The following MACF1 variants were observed in gnomAD, a reference collection of about 807,000 sequenced individuals.
MACF1 encodes the protein microtubule actin crosslinking factor 1.
A neutral mutation model predicts 854.8 loss-of-function variants in MACF1; 193 were observed. The observed-to-expected ratio is 0.23, with a 90% confidence interval of 0.20 to 0.25. MACF1 has a LOEUF of 0.25. MACF1 is among the 10% of genes least tolerant of loss of function. The probability of loss-of-function intolerance (pLI) is 1.00; values close to 1 mark genes in which losing one functional copy is unlikely to be tolerated. For missense variants in MACF1, 7,722 were observed against 8,929.1 expected (o/e 0.86, Z 5.45); for synonymous variants, 3,185 against 3,226.7 (o/e 0.99, Z 0.44).
chr1:39,379,526 T>A, intron 54 of MACF1, 82 bp downstream of exon 54: 2 of 1,482,714 alleles, frequency 1.3e-6, no homozygotes, highest in Non-Finnish European at 1.8e-6. Context: ...CCCAGGTATC[T>A]GAGAGAGAGA....
At chr1:39,423,651 AATGTTTATAAT>A (rs1239042435) in intron 60 of MACF1, among the ~76,000 whole-genome samples, 2 of 151,842 alleles carry the variant, frequency 1.3e-5, no homozygotes, top group African/African-American at 4.8e-5. Flanking sequence ...AAAAAAAAAA[AATGTTTATAAT>A]ATACAATGTG....
In MACF1 at chr1:39,331,426, G is replaced by T; in HGVS notation, c.4838G>T (p.Arg1613Leu). 6.2e-7 allele frequency: 1 copy of T among 1,614,014 alleles called. No individual in the cohort carries two copies. The highest frequency in any genetic ancestry group is 1.1e-5 in the South Asian group (1 of 91,058). ...AATCCCCAGATGTACCAGCAGCTCCGGGAGCTACAGGATGCCCTGGCCTTA... is the reference window on the plus strand; with the variant it reads ...AATCCCCAGATGTACCAGCAGCTCCTGGAGCTACAGGATGCCCTGGCCTTA... ...LINPQMYQQL[R>L]ELQDALALIS... Residue 1613 changes from arginine (R) to leucine (L), a missense_variant, in exon 37 of 101, where the codon CGG becomes CTG. Physicochemically the swap from Arg to Leu is moderately radical, Grantham distance 102 (BLOSUM62 -2). Transcript: ENST00000564288.
intron 42 of MACF1, among the ~76,000 whole-genome samples, 184 bp downstream of exon 42, chr1:39,349,811 G>A (rs1385075677): frequency 1.3e-5 from 2 of 152,094 alleles, no homozygotes; most frequent in African/African-American, 4.8e-5. Context: ...TAATTTTTTT[G>A]TAGAGATGGG....
At chr1:39,181,665 G>A (rs1046334825) in intron 2 of MACF1, among the ~76,000 whole-genome samples, 4 of 152,094 alleles carry the variant, frequency 2.6e-5, no homozygotes, top group African/African-American at 9.7e-5. Context: ...TTACTACAAA[G>A]CTACAGTAAT....
At chr1:39,276,588 C>T (rs528845281) in intron 6 of MACF1, among the ~76,000 whole-genome samples, 43 of 152,290 alleles carry the variant, frequency 2.8e-4, no homozygotes, top group Non-Finnish European at 4.6e-4. Context: ...TCTTCCTTGG[C>T]TTTCACCTGT....
Position 39,282,193 on chromosome 1 carries a change from C to T in MACF1, c.529-15C>T, listed in dbSNP as rs775924792. ...TTATTTATAATGAATTATTCTGTGT[C>T]CCATCTTTTGGCAGATCTCTGACAT... is the stretch of plus-strand genomic sequence containing the variant. On this transcript the variant is annotated splice_polypyrimidine_tract_variant and intron_variant, in intron 6 of 100. Coordinates refer to ENST00000564288, the MANE Select transcript of MACF1 (RefSeq NM_001394062.1). 7.4e-6 allele frequency: 12 copies of T among 1,612,174 alleles called. No individual in the cohort carries two copies. Among genetic ancestry groups the T allele is most frequent in the Non-Finnish European group, 9.3e-6 (11 of 1,178,852 alleles).
chr1:39,378,400 G>A, intron 52 of MACF1, 61 bp from the exon 53 acceptor site: 1 of 1,210,592 alleles, frequency 8.3e-7, no homozygotes, highest in Non-Finnish European at 1.2e-6. Flanking sequence ...CAAATTCAGT[G>A]CCTATATGTA....
chr1:39,286,022 A>T (rs1645634464), intron 14 of MACF1, among the ~76,000 whole-genome samples: 1 of 152,068 alleles, frequency 6.6e-6, no homozygotes, highest in African/African-American at 2.4e-5. Flanking sequence ...ACTTTATTTT[A>T]ATTAATCAAA....
chr1:39,234,598 A>AC (rs1258977101), intron 2 of MACF1, among the ~76,000 whole-genome samples: 4 of 65,806 alleles, frequency 6.1e-5, no homozygotes, highest in African/African-American at 2.4e-4. Flanking sequence ...CGGGGGGCTG[A>AC]CCGCCCCACC....
intron 97 of MACF1, among the ~76,000 whole-genome samples, chr1:39,473,756 A>C (rs918147212): frequency 3.9e-5 from 6 of 152,212 alleles, no homozygotes; most frequent in Non-Finnish European, 8.8e-5. Context: ...TGTTTCACAC[A>C]TACTTACTGA....
At chr1:39,375,959 G>T (rs113841202) in intron 52 of MACF1, among the ~76,000 whole-genome samples, 3 of 152,224 alleles carry the variant, frequency 2.0e-5, no homozygotes, top group Non-Finnish European at 1.5e-5. Context: ...TATATTTTTG[G>T]TCGTGTTATT....
chr1:39,327,559 C>A lies in MACF1; in HGVS notation c.4614+206C>A, dbSNP rs56221645. Among the ~76,000 whole-genome samples, 10,120 of 152,236 alleles carry A rather than the reference C, an allele frequency of 0.066. 869 individuals are homozygous for A. Among genetic ancestry groups the A allele is most frequent in the African/African-American group, 0.2 (8,436 of 41,494 alleles). Reference sequence around the variant, plus strand: ...AGTCAAAAGCACTAGAAGACACTTACAACTAACCCTTTAGACCTGGTTCAC... The same window carrying A: ...AGTCAAAAGCACTAGAAGACACTTAAAACTAACCCTTTAGACCTGGTTCAC... On this transcript the variant is annotated intron_variant, in intron 36 of 100. Transcript: ENST00000564288.
At chr1:39,455,413 A>T (rs551931698) in intron 89 of MACF1, among the ~76,000 whole-genome samples, 3 of 152,262 alleles carry the variant, frequency 2.0e-5, no homozygotes, top group Admixed American at 6.5e-5. Context: ...TGGTGGATGT[A>T]AGACTGAGGT....
At chr1:39,145,667 T>G (rs1406903096) in intron 2 of MACF1, among the ~76,000 whole-genome samples, 1 of 152,194 alleles carries the variant, frequency 6.6e-6, no homozygotes, top group Non-Finnish European at 1.5e-5. Flanking sequence ...AGCAGCCTCT[T>G]TTTGTTCTCA....
chr1:39,395,875 A>G (rs1388379408), intron 58 of MACF1, among the ~76,000 whole-genome samples: 1 of 152,234 alleles, frequency 6.6e-6, no homozygotes, highest in Non-Finnish European at 1.5e-5. Context: ...TGTATTTTAA[A>G]TATCAGTGTC....
chr1:39,382,399 A>G (rs979857351), intron 56 of MACF1, among the ~76,000 whole-genome samples: 4 of 152,084 alleles, frequency 2.6e-5, no homozygotes, highest in Non-Finnish European at 4.4e-5. Context: ...TTCTGACTAA[A>G]TTGTGGAATT....
chr1:39,477,090 T>TATATATATAC (rs1350608847), intron 97 of MACF1, among the ~76,000 whole-genome samples: 5 of 26,284 alleles, frequency 1.9e-4, no homozygotes, highest in Non-Finnish European at 3.6e-4. Context: ...TATATATATA[T>TATATATATAC]ACACACACAC....
intron 2 of MACF1, among the ~76,000 whole-genome samples, chr1:39,128,632 G>A (rs1428792157): frequency 6.6e-6 from 1 of 152,022 alleles, no homozygotes; most frequent in African/African-American, 2.4e-5. Context: ...CCAGGAGGTG[G>A]AGCTTGCAGT....
intron 1 of MACF1, among the ~76,000 whole-genome samples, chr1:39,230,584 T>TAA (rs547789042): frequency 3.2e-4 from 44 of 137,736 alleles, no homozygotes; most frequent in East Asian, 6.3e-4. Context: ...GTTAAAGAGG[T>TAA]AAAAAAAAAA....
Sources: gnomAD v4.1 joint callset for allele counts (sites outside exome capture counted in the v4.1 genomes callset) on GRCh38, gnomAD v4.1.1 for gene constraint, MANE v1.5 for transcripts, NCBI Gene and HGNC (gene_info 2026-07-23, HGNC 2026-07-21) for gene names.